DISP2: variants seen among roughly 807,000 people sequenced by gnomAD.
The protein encoded by DISP2 is dispatched RND transporter family member 2.
In DISP2, 59 loss-of-function variants were observed where a neutral mutation model predicts 95.5. The ratio of observed to expected loss-of-function variants is 0.62; its 90% CI spans 0.50 to 0.77. DISP2 has a LOEUF of 0.77. Among genes scored for constraint, DISP2 ranks in the 30% least tolerant of loss-of-function variants. DISP2 has a pLI of 0.00. For missense variants in DISP2, 1,752 were observed against 1,854.6 expected, an observed-to-expected ratio of 0.94 and a Z score of 1.02; for synonymous variants, 827 against 815.0, an observed-to-expected ratio of 1.01 and a Z score of -0.25.
At position 40,367,094 on chromosome 15, in the gene DISP2, C is replaced by G; in HGVS notation, c.982C>G (p.Arg328Gly). ...SHTSFGALCQ[R>G]TAANQCCPSW... ...TACCAGCTTCGGGGCTCTGTGCCAG[C>G]GGACAGCAGCCAACCAGTGCTGCCC... Residue 328 changes from arginine to glycine, a missense_variant, in exon 8 of 8, where the codon CGG becomes GGG. Arg to Gly is a moderately radical substitution (Grantham distance 125). Transcript: ENST00000267889. 6.2e-7 allele frequency: 1 copy of G among 1,612,680 alleles called. No individual in the cohort carries two copies. The highest frequency in any genetic ancestry group is 8.5e-7 in the Non-Finnish European group (1 of 1,180,006).
intron 1 of DISP2, among the ~76,000 whole-genome samples, chr15:40,358,926 A>T (rs532253592): frequency 1.3e-5 from 2 of 152,244 alleles, no homozygotes; most frequent in Middle Eastern, 3.2e-3. Flanking sequence ...TGTCACCATC[A>T]GTCGCTTGCC....
chr15:40,358,577 C>T, intron 1 of DISP2, 137 bp downstream of exon 1: 2 of 578,924 alleles, frequency 3.5e-6, no homozygotes, highest in Non-Finnish European at 5.1e-6. Context: ...GGTCGCCAAG[C>T]TCCAGGCCCC....
At chr15:40,362,590 C>T (rs1048075193) in intron 1 of DISP2, among the ~76,000 whole-genome samples, 13 of 152,236 alleles carry the variant, frequency 8.5e-5, no homozygotes, top group Middle Eastern at 3.4e-3. Context: ...ATAAACATAA[C>T]GACTCTATAA....
rs1469968640 is a variant in DISP2 at position 40,370,382 on chromosome 15, A to G, written c.*64A>G. On this transcript the variant is annotated 3_prime_UTR_variant, in exon 8 of 8. Coordinates refer to ENST00000267889, the MANE Select transcript of DISP2 (RefSeq NM_033510.3). ...TCATGGATGACAAGGCAAGGGCAGC[A>G]ATAGGCTGGAGCCCGAAGGTATTTC... 5.3e-6 allele frequency: 8 copies of G among 1,503,510 alleles called. No homozygotes were observed. The highest frequency in any genetic ancestry group is 7.1e-6 in the Non-Finnish European group (8 of 1,131,866). The allele number at this position is 1,503,510 out of a possible 1,614,324, so 93.1% of individuals were successfully genotyped here. A position where few individuals can be genotyped will look rare whatever the true frequency, so the allele number is the denominator to read the frequency against.
At position 40,375,695 on chromosome 15, in the gene DISP2, A is replaced by G. The variant is rs1019808029; in HGVS notation, c.*5377A>G. 1.3e-5 allele frequency: 2 copies of G among 152,210 alleles called. No individual in the cohort carries two copies. The highest frequency in any genetic ancestry group is 4.8e-5 in the African/African-American group (2 of 41,430). 9.4% of individuals were successfully genotyped at this position (152,210 alleles called of 1,614,324 possible). ...GAAGGAAGCAGTAATGGCTCCATCA[A>G]TGGCTTCTCACACTTGGTGTCAGAG... On this transcript the variant is annotated 3_prime_UTR_variant, in exon 8 of 8. Coordinates refer to ENST00000267889, the MANE Select transcript of DISP2 (RefSeq NM_033510.3).
intron 1 of DISP2, among the ~76,000 whole-genome samples, chr15:40,360,698 G>C (rs1460994140): frequency 6.6e-6 from 1 of 152,160 alleles, no homozygotes; most frequent in Non-Finnish European, 1.5e-5. Context: ...GTATCCTCTG[G>C]AATGCTGGCT....
In DISP2 at chr15:40,369,588, G is replaced by A; in HGVS notation, c.3476G>A (p.Cys1159Tyr). Residue 1159 changes from cysteine to tyrosine, a missense_variant, in exon 8 of 8, where the codon TGC (cysteine) becomes TAC (tyrosine). Around this residue, in one of 5 missense-constraint regions of DISP2, gnomAD observed 347 missense variants for 344.2 expected, o/e 1.01. Coordinates refer to ENST00000267889, the MANE Select transcript of DISP2 (RefSeq NM_033510.3). ...PGSVGGMPGS[C>Y]SEQYELQPLA... ...TCAGTGGGAGGGATGCCCGGGTCCT[G>A]CTCAGAGCAATATGAGCTACAGCCC... 1 of 1,611,676 alleles carries A rather than the reference G, an allele frequency of 6.2e-7. No individual in the cohort carries two copies. The highest frequency in any genetic ancestry group is 8.5e-7 in the Non-Finnish European group (1 of 1,180,002).
In DISP2 at chr15:40,364,543, T is replaced by C; in HGVS notation, c.602T>C (p.Leu201Pro). 6.2e-7 allele frequency: 1 copy of C among 1,613,474 alleles called. No homozygotes were observed. The highest frequency in any genetic ancestry group is 8.5e-7 in the Non-Finnish European group (1 of 1,179,900). The change falls in exon 4 of 8, where the codon CTG becomes CCG. Residue 201 changes from leucine (L) to proline (P), a missense_variant and splice_region_variant. Physicochemically the swap from Leu to Pro is moderately conservative, Grantham distance 98. This residue lies in a region of DISP2 where 342 missense variants were observed against 364.3 expected (regional missense o/e 0.94). Coordinates refer to ENST00000267889, the MANE Select transcript of DISP2 (RefSeq NM_033510.3). Reference sequence around the variant, plus strand: ...CTGCCCGACTTCTCCAAGCCTTTGCTGGTGAGGAACCAAGGGGTGGGACGG... The same window carrying C: ...CTGCCCGACTTCTCCAAGCCTTTGCCGGTGAGGAACCAAGGGGTGGGACGG... The part of the protein sequence containing the change: ...ARLPDFSKPL[L>P]GFEPRDTDIG...
At chr15:40,359,236 A>G (rs1889369528) in intron 1 of DISP2, among the ~76,000 whole-genome samples, 2 of 152,210 alleles carry the variant, frequency 1.3e-5, no homozygotes. Flanking sequence ...CCCTCCTCTG[A>G]CATGACACTG....
In DISP2 at chr15:40,362,860, C is replaced by G. The variant is rs1889426560; in HGVS notation, c.120-765C>G. Among the ~76,000 whole-genome samples the G allele has an allele frequency of 3.9e-5, 6 of 152,168 alleles. No homozygotes were observed. In the South Asian group the frequency reaches 1.2e-3, roughly 32 times the overall value. On this transcript the variant is annotated intron_variant, in intron 1 of 7. Coordinates refer to ENST00000267889, the MANE Select transcript of DISP2 (RefSeq NM_033510.3). ...AGCACGTGCTCAATAATCTGTCTGG[C>G]AAGAGAAAGAGCAGACGACTGCAGC...
In DISP2 at chr15:40,368,626, G is replaced by A. The variant is rs1889563465; in HGVS notation, c.2514G>A (p.Val838=). 4 of 1,608,612 alleles carry A rather than the reference G, an allele frequency of 2.5e-6. No homozygotes were observed. In the South Asian group the frequency reaches 4.4e-5, roughly 18 times the overall value. ...LQEGWPTLCF[V]ETLQRWMESP... The stretch of plus-strand genomic sequence containing the variant: ...AAGGCTGGCCCACGCTGTGTTTCGT[G>A]GAGACCCTCCAGCGCTGGATGGAGA... Residue 838 remains valine, a synonymous_variant, in exon 8 of 8, where the codon GTG becomes GTA. Coordinates refer to ENST00000267889, the MANE Select transcript of DISP2 (RefSeq NM_033510.3).
At chr15:40,360,176 C>A (rs910129696) in intron 1 of DISP2, among the ~76,000 whole-genome samples, 9 of 152,232 alleles carry the variant, frequency 5.9e-5, no homozygotes, top group Admixed American at 5.2e-4. Flanking sequence ...GCCCTACTCA[C>A]TTGGCGTACA....
intron 1 of DISP2, among the ~76,000 whole-genome samples, chr15:40,360,365 A>G (rs549327914): frequency 1.3e-5 from 2 of 152,332 alleles, no homozygotes; most frequent in African/African-American, 4.8e-5. Flanking sequence ...TATTCTGAGA[A>G]GAGTGGAGGT....
In DISP2 at chr15:40,370,104, G is replaced by A; in HGVS notation, c.3992G>A (p.Gly1331Asp). The change falls in exon 8 of 8, where the codon GGC (glycine) becomes GAC (aspartate). Residue 1331 changes from glycine (G) to aspartate (D), a missense_variant. Physicochemically the swap from Gly to Asp is moderately conservative, Grantham distance 94 (BLOSUM62 -1). This residue lies in a region of DISP2 where 347 missense variants were observed against 344.2 expected (regional missense o/e 1.01). Coordinates refer to ENST00000267889, the MANE Select transcript of DISP2 (RefSeq NM_033510.3). ...ACTGGGCAGCCAGTCCTTGAGCGAG[G>A]CCAGCTCAATGGGAAGCGGGACACC... The part of the protein sequence containing the change: ...DDTGQPVLER[G>D]QLNGKRDTLW... The A allele has an allele frequency of 6.2e-7, 1 of 1,610,454 alleles. No individual in the cohort carries two copies. The highest frequency in any genetic ancestry group is 1.7e-5 in the Admixed American group (1 of 59,614).
In DISP2 at chr15:40,368,574, A is replaced by G. The variant is rs1390852212; in HGVS notation, c.2462A>G (p.Asn821Ser). The G allele has an allele frequency of 3.7e-6, 6 of 1,604,400 alleles. No homozygotes were observed. In the East Asian group the frequency reaches 1.3e-4, roughly 36 times the overall value. The change falls in exon 8 of 8, where the codon AAT becomes AGT. Residue 821 changes from asparagine (N) to serine (S), a missense_variant. Physicochemically the swap from Asn to Ser is conservative, Grantham distance 46. Transcript: ENST00000267889. ...WLLALCHRAR[N>S]QSFFDTLQEG... Reference sequence around the variant, plus strand: ...CTGGCACTCTGTCACCGGGCCCGGAATCAGAGCTTCTTCGACACCCTGCAG... The same window carrying G: ...CTGGCACTCTGTCACCGGGCCCGGAGTCAGAGCTTCTTCGACACCCTGCAG...
chr15:40,369,874 G>C lies in DISP2; in HGVS notation c.3762G>C (p.Gly1254=). 6.4e-7 allele frequency: 1 copy of C among 1,566,740 alleles called. No homozygotes were observed. Among genetic ancestry groups the C allele is most frequent in the Non-Finnish European group, 8.7e-7 (1 of 1,154,920 alleles). ...CCCGGGCCAGGCAGGACTCCCAAGG[G>C]GAGGAGGCTGAGCCCCTGCCAGCCT... ...PKTRARQDSQ[G]EEAEPLPASP... The change falls in exon 8 of 8, where the codon GGG becomes GGC. Residue 1254 remains glycine, a synonymous_variant. Transcript: ENST00000267889.
chr15:40,365,421 G>T, intron 6 of DISP2, 147 bp downstream of exon 6: 13 of 1,425,980 alleles, frequency 9.1e-6, no homozygotes, highest in Non-Finnish European at 1.1e-5. Flanking sequence ...GGTTACAGCT[G>T]GGATAGGGGA....
Position 40,369,703 on chromosome 15 carries a change from G to A in DISP2, c.3591G>A (p.Gln1197=). The A allele has an allele frequency of 6.2e-7, 1 of 1,611,668 alleles. No individual in the cohort carries two copies. The highest frequency in any genetic ancestry group is 1.1e-5 in the South Asian group (1 of 91,090). The change falls in exon 8 of 8, where the codon CAG becomes CAA. Residue 1197 remains glutamine (Q), a synonymous_variant. Coordinates refer to ENST00000267889, the MANE Select transcript of DISP2 (RefSeq NM_033510.3). ...HRPSVLSEDL[Q]LHDGPCCSRP... ...CCTCAGTACTCTCTGAGGATCTGCAGCTCCATGATGGTCCGTGCTGTTCCC... is the reference window on the plus strand; with the variant it reads ...CCTCAGTACTCTCTGAGGATCTGCAACTCCATGATGGTCCGTGCTGTTCCC...
In DISP2 at chr15:40,367,781, A is replaced by C. The variant is rs760577627; in HGVS notation, c.1669A>C (p.Asn557His). 1.9e-6 allele frequency: 3 copies of C among 1,609,104 alleles called. No homozygotes were observed. The highest frequency in any genetic ancestry group is 3.3e-5 in the Admixed American group (2 of 60,026). Residue 557 changes from asparagine (N) to histidine (H), a missense_variant, in exon 8 of 8, where the codon AAC (asparagine) becomes CAC (histidine). Asn to His is a moderately conservative substitution (Grantham distance 68). This residue lies in a region of DISP2 where 732 missense variants were observed against 714.6 expected (regional missense o/e 1.02). Coordinates refer to ENST00000267889, the MANE Select transcript of DISP2 (RefSeq NM_033510.3). ...CCTCCTGCTGAGCAGCGTCTGCGCC[A>C]ACCACACGCTCATCTTCTTCGACCT... ...ALLLLSSVCA[N>H]HTLIFFDLWR...
Sources: allele counts gnomAD v4.1 joint callset (sites outside exome capture counted in the v4.1 genomes callset), GRCh38; gene constraint gnomAD v4.1.1; regional missense constraint gnomAD v4.1.1; transcripts MANE v1.5; gene names NCBI Gene and HGNC (gene_info 2026-07-23, HGNC 2026-07-21).